Variants in NEDD4L observed in about 807,000 individuals in gnomAD.
NEDD4L encodes NEDD4 like E3 ubiquitin protein ligase, also known as E3 ubiquitin-protein ligase NEDD4-like.
NEDD4L carries 54 observed loss-of-function variants against 148.9 expected under a neutral mutation model. The ratio of observed to expected loss-of-function variants is 0.36; its 90% CI spans 0.29 to 0.45. The LOEUF (loss-of-function observed/expected upper bound fraction) is 0.45, where lower values mean the gene tolerates loss of function less well. NEDD4L is among the 20% of genes least tolerant of loss of function. The probability of loss-of-function intolerance (pLI) is 1.00; values close to 1 mark genes in which losing one functional copy is unlikely to be tolerated. For missense variants in NEDD4L, 856 were observed against 1,233.8 expected (o/e 0.69, Z 4.59); for synonymous variants, 433 against 440.7 (o/e 0.98, Z 0.22).
intron 30 of NEDD4L, among the ~76,000 whole-genome samples, chr18:58,394,947 G>A (rs1294431433): frequency 6.6e-6 from 1 of 152,226 alleles, no homozygotes. Context: ...GGCAGAGGCA[G>A]CACAAGTGCA....
chr18:58,174,869 T>A (rs2037942873), intron 2 of NEDD4L, among the ~76,000 whole-genome samples: 1 of 152,228 alleles, frequency 6.6e-6, no homozygotes, highest in Non-Finnish European at 1.5e-5. Flanking sequence ...ATTGATTTAC[T>A]TTACTTCCAA....
chr18:58,060,718 TCTTGCACCCTTC>T lies in NEDD4L; in HGVS notation c.48+16014_48+16025del, dbSNP rs767013262. On this transcript the variant is annotated intron_variant, in intron 1 of 30. Transcript: ENST00000400345. ...TACAGTGGCTCTAAACTGGGGCCTG[TCTTGCACCCTTC>T]CTTCTCCCCTAGGGGACATTTGGCA... 8.3e-4 allele frequency among the ~76,000 whole-genome samples: 127 copies of T among 152,276 alleles called. 2 individuals carry two copies. Among genetic ancestry groups the T allele is most frequent in the Non-Finnish European group, 9.4e-4 (64 of 68,020 alleles).
intron 1 of NEDD4L, among the ~76,000 whole-genome samples, chr18:58,125,305 T>A (rs113935337): frequency 0.017 from 2,599 of 152,230 alleles, 28 homozygotes; most frequent in African/African-American, 0.026. Flanking sequence ...AAGCAATGTG[T>A]TTCTAAGCCT....
At chr18:58,141,712 T>TC (rs2033529098) in intron 1 of NEDD4L, among the ~76,000 whole-genome samples, 1 of 152,230 alleles carries the variant, frequency 6.6e-6, no homozygotes, top group Non-Finnish European at 1.5e-5. Flanking sequence ...ATGCATGTAT[T>TC]ATATATGTGC....
chr18:58,135,299 C>T (rs1001329783), intron 1 of NEDD4L, among the ~76,000 whole-genome samples: 3 of 152,062 alleles, frequency 2.0e-5, no homozygotes, highest in African/African-American at 7.3e-5. Flanking sequence ...GCAAATTGGC[C>T]CAGCATCTTA....
intron 3 of NEDD4L, chr18:58,247,250 T>C (rs964472571): frequency 1.3e-5 from 2 of 152,176 alleles, no homozygotes; most frequent in Non-Finnish European, 2.9e-5. Flanking sequence ...GGTCCTTTTG[T>C]GTAAGGAACC....
intron 2 of NEDD4L, among the ~76,000 whole-genome samples, chr18:58,173,764 A>C (rs562044113): frequency 6.6e-6 from 1 of 152,348 alleles, no homozygotes; most frequent in South Asian, 2.1e-4. Flanking sequence ...TACTGTTCTC[A>C]CAAAATTAAG....
chr18:58,251,944 C>G lies in NEDD4L; in HGVS notation c.244-57C>G, dbSNP rs375627631. 6 of 928,400 alleles carry G rather than the reference C, an allele frequency of 6.5e-6. No individual in the cohort carries two copies. The African/African-American group carries it at 9.7e-5, about 15-fold the overall frequency. The allele number at this position is 928,400 out of a possible 1,614,324, so 57.5% of individuals were successfully genotyped here. A position where few individuals can be genotyped will look rare whatever the true frequency, so the allele number is the denominator to read the frequency against. On this transcript the variant is annotated intron_variant, in intron 4 of 30. Coordinates refer to ENST00000400345, the MANE Select transcript of NEDD4L (RefSeq NM_001144967.3). ...AGTATGTTATTCTTTCTGTTCCTTA[C>G]GTCGCTGTTCAAATGATTCCTGCTC...
At chr18:58,253,853 A>G (rs1047654304) in intron 5 of NEDD4L, among the ~76,000 whole-genome samples, 4 of 152,194 alleles carry the variant, frequency 2.6e-5, no homozygotes, top group Non-Finnish European at 5.9e-5. Flanking sequence ...ACCAAAAAGG[A>G]CTTTGAATAC....
intron 2 of NEDD4L, among the ~76,000 whole-genome samples, chr18:58,203,156 G>T (rs930098678): frequency 2.0e-5 from 3 of 151,914 alleles, no homozygotes; most frequent in African/African-American, 7.3e-5. Flanking sequence ...TTGTAGAGAC[G>T]GATTCTTACT....
At chr18:58,268,865 AGGAG>A (rs1166366850) in intron 5 of NEDD4L, among the ~76,000 whole-genome samples, 2 of 151,752 alleles carry the variant, frequency 1.3e-5, no homozygotes, top group East Asian at 3.9e-4. Context: ...GTCCTTGGGG[AGGAG>A]GGGAGCGTTC....
intron 1 of NEDD4L, among the ~76,000 whole-genome samples, chr18:58,127,321 G>A (rs533217797): frequency 1.6e-4 from 24 of 152,326 alleles, no homozygotes; most frequent in African/African-American, 5.3e-4. Flanking sequence ...ATCACAGGAC[G>A]ACATTCTGTG....
chr18:58,104,033 A>G (rs2084924539), intron 1 of NEDD4L, among the ~76,000 whole-genome samples: 1 of 152,240 alleles, frequency 6.6e-6, no homozygotes, highest in African/African-American at 2.4e-5. Context: ...GAAAGGTAGA[A>G]ACAGCCCAGT....
chr18:58,259,377 G>C (rs192969611), intron 5 of NEDD4L, among the ~76,000 whole-genome samples: 85 of 152,320 alleles, frequency 5.6e-4, no homozygotes, highest in African/African-American at 1.9e-3. Flanking sequence ...TACCAATTCA[G>C]TCTGTGGCAG....
chr18:58,291,209 C>G (rs1003254855), intron 5 of NEDD4L, among the ~76,000 whole-genome samples: 3 of 152,186 alleles, frequency 2.0e-5, no homozygotes, highest in Non-Finnish European at 4.4e-5. Context: ...CACAGAGAAC[C>G]AGGCCGACCG....
chr18:58,184,703 C>T (rs2039249343), intron 2 of NEDD4L, among the ~76,000 whole-genome samples: 2 of 152,008 alleles, frequency 1.3e-5, no homozygotes, highest in East Asian at 1.9e-4. Context: ...CTGAGGTAGG[C>T]GGATCACGTG....
chr18:58,380,052 T>A (rs1391346530), intron 24 of NEDD4L, among the ~76,000 whole-genome samples: 2 of 146,844 alleles, frequency 1.4e-5, no homozygotes, highest in African/African-American at 5.2e-5. Context: ...TGTGGGCCCA[T>A]TTTTTCTTTT....
At chr18:58,251,870 G>T in intron 4 of NEDD4L, 131 bp from the exon 5 acceptor site, 1 of 619,202 alleles carries the variant, frequency 1.6e-6, no homozygotes, top group Non-Finnish European at 2.9e-6. Flanking sequence ...TCCCAGAACA[G>T]CAGGATAATT....
intron 5 of NEDD4L, among the ~76,000 whole-genome samples, chr18:58,312,492 G>T (rs1477019164): frequency 6.6e-6 from 1 of 152,150 alleles, no homozygotes; most frequent in Non-Finnish European, 1.5e-5. Flanking sequence ...TGCTGTGATG[G>T]CCTCAAACGT....
Sources: gnomAD v4.1 joint callset for allele counts (sites outside exome capture counted in the v4.1 genomes callset) on GRCh38, gnomAD v4.1.1 for gene constraint, MANE v1.5 for transcripts, NCBI Gene and HGNC (gene_info 2026-07-23, HGNC 2026-07-21) for gene names.